The following DPYD variants were observed in gnomAD, a reference collection of about 807,000 sequenced individuals.
The protein encoded by DPYD is dihydropyrimidine dehydrogenase, also known as dihydropyrimidine dehydrogenase [NADP(+)].
In DPYD, 109 loss-of-function variants were observed where a neutral mutation model predicts 116.2. The observed-to-expected ratio is 0.94, with a 90% CI of 0.80 to 1.10. The LOEUF is 1.10. Among genes scored for constraint, DPYD ranks in the 50% least tolerant of loss-of-function variants. The pLI is 0.00. For missense variants in DPYD, 1,302 were observed against 1,254.5 expected, an observed-to-expected ratio of 1.04 and a Z score of -0.57; for synonymous variants, 440 against 432.0, an observed-to-expected ratio of 1.02 and a Z score of -0.23.
intron 20 of DPYD, among the ~76,000 whole-genome samples, chr1:97,121,554 G>A (rs1652429358): frequency 6.6e-6 from 1 of 152,046 alleles, no homozygotes; most frequent in African/African-American, 2.4e-5. Context: ...GTCACTTCTG[G>A]CCAGTTGTTT....
At chr1:97,355,970 T>C (rs76357554) in intron 16 of DPYD, among the ~76,000 whole-genome samples, 4 of 152,184 alleles carry the variant, frequency 2.6e-5, no homozygotes, top group African/African-American at 7.2e-5. Context: ...TTGGATCATA[T>C]GGTAATTCTA....
chr1:97,703,998 A>G (rs1454868720), intron 5 of DPYD, among the ~76,000 whole-genome samples: 1 of 151,982 alleles, frequency 6.6e-6, no homozygotes, highest in African/African-American at 2.4e-5. Flanking sequence ...GGGCTCATTC[A>G]ATGTTTTTTT....
At chr1:97,316,474 A>C (rs1667849485) in intron 16 of DPYD, among the ~76,000 whole-genome samples, 1 of 150,128 alleles carries the variant, frequency 6.7e-6, no homozygotes, top group African/African-American at 2.4e-5. Context: ...AGATTGCGTC[A>C]CTGCATTCCA....
chr1:97,135,359 C>T (rs569403281), intron 20 of DPYD, among the ~76,000 whole-genome samples: 4 of 152,182 alleles, frequency 2.6e-5, no homozygotes, highest in Admixed American at 6.5e-5. Flanking sequence ...TAAGACAAAC[C>T]TAGACATCCC....
chr1:97,331,879 A>T (rs1308771487), intron 16 of DPYD, among the ~76,000 whole-genome samples: 5 of 152,242 alleles, frequency 3.3e-5, no homozygotes, highest in African/African-American at 4.8e-5. Context: ...TGTTCAGGTC[A>T]GGATGAAAAA....
Position 97,323,416 on chromosome 1 carries a change from GTATATATACA to G in DPYD, c.2059-17129_2059-17120del, listed in dbSNP as rs1668467926. 7.3e-5 allele frequency among the ~76,000 whole-genome samples: 6 copies of G among 81,638 alleles called. 1 individual carries two copies. The highest frequency in any genetic ancestry group is 3.1e-4 in the South Asian group (1 of 3,216). The allele number at this position is 81,638 out of a possible 152,430, so 53.6% of individuals were successfully genotyped here. ...TGTATACATATGTGTATATGTACAC[GTATATATACA>G]TATGTGTATATGTACACGTATATAC... On this transcript the variant is annotated intron_variant, in intron 16 of 22. Coordinates refer to ENST00000370192, the MANE Select transcript of DPYD (RefSeq NM_000110.4).
chr1:97,840,533 A>G (rs1396987426), intron 2 of DPYD, among the ~76,000 whole-genome samples: 1 of 152,160 alleles, frequency 6.6e-6, no homozygotes. Context: ...ATTTCATCCC[A>G]TTATTTTTTA....
chr1:97,689,979 G>T (rs141771572), intron 7 of DPYD, among the ~76,000 whole-genome samples: 1,730 of 151,978 alleles, frequency 0.011, 122 homozygotes, highest in Admixed American at 0.098. Context: ...TTTAATTTAG[G>T]TTCCATTTTT....
chr1:97,405,521 T>C (rs1673606707), intron 14 of DPYD, among the ~76,000 whole-genome samples: 1 of 151,996 alleles, frequency 6.6e-6, no homozygotes, highest in Admixed American at 6.6e-5. Context: ...TTTATTCTTT[T>C]GTTTGTTTTT....
intron 14 of DPYD, among the ~76,000 whole-genome samples, chr1:97,438,027 A>G (rs12031561): frequency 0.34 from 51,340 of 151,842 alleles, 9,265 homozygotes; most frequent in East Asian, 0.54. Context: ...GTCAAAAATC[A>G]GTTGTTCATA....
In DPYD at chr1:97,583,007, C is replaced by T. The variant is rs149083307; in HGVS notation, c.1129-9037G>A. Among the ~76,000 whole-genome samples the T allele has an allele frequency of 7.3e-3, 1,114 of 152,182 alleles. 14 individuals carry two copies. Among genetic ancestry groups the T allele is most frequent in the African/African-American group, 0.026 (1,059 of 41,522 alleles). ...TTTTTGAGATGGAGTCTGACTCTGT[C>T]GCCCAGGCTGGAGTGCAGGGGTGTG... On this transcript the variant is annotated intron_variant, in intron 10 of 22. Coordinates refer to ENST00000370192, the MANE Select transcript of DPYD (RefSeq NM_000110.4).
At chr1:97,800,804 C>T (rs757517361) in intron 3 of DPYD, among the ~76,000 whole-genome samples, 19 of 151,860 alleles carry the variant, frequency 1.3e-4, no homozygotes, top group Non-Finnish European at 2.4e-4. Context: ...TCTCCTTCCA[C>T]CTTCTGTAGA....
At chr1:97,275,267 A>G (rs1182565464) in intron 18 of DPYD, among the ~76,000 whole-genome samples, 1 of 152,204 alleles carries the variant, frequency 6.6e-6, no homozygotes, top group Non-Finnish European at 1.5e-5. Flanking sequence ...TTTAGTTAAA[A>G]TGTTATCTCT....
intron 5 of DPYD, among the ~76,000 whole-genome samples, chr1:97,707,060 A>C (rs1662003880): frequency 1.3e-5 from 2 of 151,976 alleles, no homozygotes; most frequent in Non-Finnish European, 2.9e-5. Flanking sequence ...GTTTGTGTCT[A>C]CGCCCCCATT....
chr1:97,695,834 A>T (rs1571205436), intron 6 of DPYD, among the ~76,000 whole-genome samples: 1 of 152,258 alleles, frequency 6.6e-6, no homozygotes, highest in South Asian at 2.1e-4. Flanking sequence ...GCAGTGGTAA[A>T]GAAAGTGAGA....
intron 16 of DPYD, among the ~76,000 whole-genome samples, chr1:97,332,289 T>C (rs1362415936): frequency 2.0e-5 from 3 of 152,194 alleles, no homozygotes; most frequent in Non-Finnish European, 4.4e-5. Flanking sequence ...CAGATTGTTT[T>C]TGGAAAATTT....
intron 13 of DPYD, among the ~76,000 whole-genome samples, chr1:97,502,836 T>A (rs1679666791): frequency 5.3e-5 from 8 of 152,144 alleles, no homozygotes; most frequent in Admixed American, 5.2e-4. Context: ...CGAATCATTT[T>A]AATATATTTA....
chr1:97,834,318 G>C (rs1243846212), intron 2 of DPYD, among the ~76,000 whole-genome samples: 1 of 151,804 alleles, frequency 6.6e-6, no homozygotes, highest in Non-Finnish European at 1.5e-5. Context: ...ATGGGTGCTA[G>C]ATAGTATGCT....
intron 16 of DPYD, among the ~76,000 whole-genome samples, chr1:97,354,051 G>A (rs915748120): frequency 1.3e-5 from 2 of 152,140 alleles, no homozygotes; most frequent in African/African-American, 4.8e-5. Flanking sequence ...AACAATAATA[G>A]TAAATATATC....
Sources: gnomAD v4.1 joint callset for allele counts (sites outside exome capture counted in the v4.1 genomes callset) on GRCh38, gnomAD v4.1.1 for gene constraint, MANE v1.5 for transcripts, NCBI Gene and HGNC (gene_info 2026-07-23, HGNC 2026-07-21) for gene names.